The following ZFAT variants were observed in gnomAD, a reference collection of about 807,000 sequenced individuals.
ZFAT encodes the protein zinc finger and AT-hook domain containing, also known as zinc finger protein ZFAT.
In ZFAT, 64 loss-of-function variants were observed where a neutral mutation model predicts 117.7. The observed-to-expected ratio is 0.54, with a 90% CI of 0.44 to 0.67. The LOEUF is 0.67. ZFAT is among the 30% of genes least tolerant of loss of function. The pLI is 0.00. For missense variants in ZFAT, 1,433 were observed against 1,584.5 expected (o/e 0.90, Z 1.62); for synonymous variants, 679 against 615.0 (o/e 1.10, Z -1.54).
At chr8:134,541,365 A>T (rs1272224581) in intron 11 of ZFAT, among the ~76,000 whole-genome samples, 1 of 152,186 alleles carries the variant, frequency 6.6e-6, no homozygotes. Context: ...GAACACGCTC[A>T]GCCCCCTCAC....
chr8:134,682,597 G>C (rs779585266), intron 1 of ZFAT, among the ~76,000 whole-genome samples: 1 of 152,234 alleles, frequency 6.6e-6, no homozygotes, highest in Non-Finnish European at 1.5e-5. Context: ...GGAGGTTGCA[G>C]TGAGCAGAGA....
the ZFAT span, among the ~76,000 whole-genome samples, chr8:134,831,923 G>C: frequency 2.0e-5 from 3 of 151,876 alleles, no homozygotes; most frequent in African/African-American, 4.8e-5. Flanking sequence ...TCAGGCGGGG[G>C]GCTGAGCGCC....
intron 1 of ZFAT, among the ~76,000 whole-genome samples, chr8:134,665,164 G>C (rs1200508399): frequency 6.6e-6 from 1 of 152,198 alleles, no homozygotes; most frequent in Non-Finnish European, 1.5e-5. Flanking sequence ...CTATGAACTG[G>C]AATATGAATT....
At chr8:134,761,977 T>G in the ZFAT span, among the ~76,000 whole-genome samples, 1 of 112,874 alleles carries the variant, frequency 8.9e-6, no homozygotes, top group Non-Finnish European at 1.8e-5. Flanking sequence ...TCTCTTTCTC[T>G]CTGTATGTGT....
chr8:134,782,756 AC>A, the ZFAT span, among the ~76,000 whole-genome samples: 1 of 152,120 alleles, frequency 6.6e-6, no homozygotes, highest in Non-Finnish European at 1.5e-5. Context: ...CTCCCCAGCC[AC>A]GTGGAACTAT....
intron 1 of ZFAT, among the ~76,000 whole-genome samples, chr8:134,705,189 T>C (rs1834116533): frequency 6.6e-6 from 1 of 152,140 alleles, no homozygotes; most frequent in Non-Finnish European, 1.5e-5. Flanking sequence ...AAACCCTATT[T>C]ATGTATTTAC....
intron 15 of ZFAT, among the ~76,000 whole-genome samples, chr8:134,506,335 C>G (rs1403185899): frequency 6.6e-6 from 1 of 152,280 alleles, no homozygotes; most frequent in Non-Finnish European, 1.5e-5. Context: ...GAGTGGGGCA[C>G]GCAAGCATGA....
intron 7 of ZFAT, chr8:134,599,513 G>A: frequency 6.6e-6 from 2 of 303,416 alleles, no homozygotes; most frequent in South Asian, 2.7e-5. Context: ...AGGCCACAGG[G>A]CCTGTGAGAG....
chr8:134,718,245 T>G, the ZFAT span, among the ~76,000 whole-genome samples: 1 of 152,206 alleles, frequency 6.6e-6, no homozygotes, highest in East Asian at 1.9e-4. Context: ...ACACCTGTAA[T>G]TCCAGCACTT....
chr8:134,504,762 C>T (rs1412423401), intron 15 of ZFAT, among the ~76,000 whole-genome samples: 3 of 152,210 alleles, frequency 2.0e-5, no homozygotes, highest in East Asian at 1.9e-4. Context: ...GGCTGAGATA[C>T]TTCCGAGACT....
At chr8:134,664,428 A>G (rs1036871504) in intron 1 of ZFAT, among the ~76,000 whole-genome samples, 5 of 152,226 alleles carry the variant, frequency 3.3e-5, no homozygotes, top group Non-Finnish European at 5.9e-5. Flanking sequence ...TGGCCCTGAC[A>G]GTCAGACTCC....
intron 3 of ZFAT, among the ~76,000 whole-genome samples, chr8:134,621,846 G>A (rs1035224717): frequency 6.6e-6 from 1 of 152,184 alleles, no homozygotes; most frequent in African/African-American, 2.4e-5. Context: ...AGTGTACTAC[G>A]TGAAATACGG....
At chr8:134,660,026 C>T (rs762258069) in intron 1 of ZFAT, among the ~76,000 whole-genome samples, 1 of 152,178 alleles carries the variant, frequency 6.6e-6, no homozygotes. Flanking sequence ...TTCCAGGAAA[C>T]GTTCTATTCC....
chr8:134,618,129 C>A (rs887257575), intron 3 of ZFAT, among the ~76,000 whole-genome samples: 5 of 152,154 alleles, frequency 3.3e-5, no homozygotes, highest in African/African-American at 9.7e-5. Flanking sequence ...AATTGAACCT[C>A]TTTTTCTTCC....
the ZFAT span, among the ~76,000 whole-genome samples, chr8:134,779,490 G>A: frequency 1.3e-5 from 2 of 152,086 alleles, no homozygotes; most frequent in Admixed American, 6.5e-5. Context: ...GGAATTCACC[G>A]TCTATACTTT....
At chr8:134,711,442 GCTAAC>G (rs1233084453) in intron 1 of ZFAT, among the ~76,000 whole-genome samples, 1 of 152,118 alleles carries the variant, frequency 6.6e-6, no homozygotes, top group Non-Finnish European at 1.5e-5. Flanking sequence ...CTCATTTTAG[GCTAAC>G]CTAAGACAGC....
At chr8:134,686,862 G>A (rs189014767) in intron 1 of ZFAT, among the ~76,000 whole-genome samples, 49 of 152,298 alleles carry the variant, frequency 3.2e-4, no homozygotes, top group African/African-American at 1.0e-3. Flanking sequence ...TTCTGCATAC[G>A]TCTCTGAATT....
intron 2 of ZFAT, among the ~76,000 whole-genome samples, chr8:134,649,564 T>C (rs1013970728): frequency 3.3e-5 from 5 of 152,138 alleles, no homozygotes; most frequent in African/African-American, 1.2e-4. Flanking sequence ...AAACTAGCAA[T>C]GAGCAATCTG....
At chr8:134,778,019 C>T in the ZFAT span, among the ~76,000 whole-genome samples, 1 of 152,120 alleles carries the variant, frequency 6.6e-6, no homozygotes, top group Non-Finnish European at 1.5e-5. Context: ...GTATCACTGG[C>T]CTTCTTCCTG....
Sources: gnomAD v4.1 joint callset for allele counts (sites outside exome capture counted in the v4.1 genomes callset) on GRCh38, gnomAD v4.1.1 for gene constraint, MANE v1.5 for transcripts, NCBI Gene and HGNC (gene_info 2026-07-23, HGNC 2026-07-21) for gene names.